Variants in ZNF484 observed in about 807,000 individuals in gnomAD.
The protein encoded by ZNF484 is KRAB box containing C2H2 type zinc finger bA526D8.4.
In ZNF484, 11 loss-of-function variants were observed where a neutral mutation model predicts 12.9. That is an observed-to-expected ratio of 0.85 (90% confidence interval 0.54 to 1.41). The LOEUF (loss-of-function observed/expected upper bound fraction) is 1.41. Among genes scored for constraint, ZNF484 ranks in the 40% most tolerant of loss-of-function variants. The probability of loss-of-function intolerance (pLI) is 0.00; values close to 1 mark genes in which losing one functional copy is unlikely to be tolerated. For synonymous variants in ZNF484, 289 were observed against 334.1 expected (o/e 0.86, Z 1.47); for missense variants, 807 against 1,007.7 (o/e 0.80, Z 2.70).
chr9:92,849,991 G>A (rs941827843), intron 4 of ZNF484, among the ~76,000 whole-genome samples: 3 of 152,086 alleles, frequency 2.0e-5, no homozygotes, highest in Non-Finnish European at 4.4e-5. Flanking sequence ...TAGTAGAGAC[G>A]GGGATTCACC....
In ZNF484 at chr9:92,846,410, T is replaced by C; in HGVS notation, c.2377A>G (p.Lys793Glu). 1 of 1,614,172 alleles carries C rather than the reference T, an allele frequency of 6.2e-7. No homozygotes were observed. The highest frequency in any genetic ancestry group is 1.1e-5 in the South Asian group (1 of 91,084). The change falls in exon 5 of 5, where the codon AAA becomes GAA. Residue 793 changes from lysine to glutamate, a missense_variant. Physicochemically the swap from Lys to Glu is moderately conservative, Grantham distance 56. Transcript: ENST00000375495. ...KAFTIRSNLI[K>E]HQKIHTKQKP... ...TGTTTAGTATGAATTTTCTGGTGTT[T>C]AATAAGATTTGATCTGATGGTGAAG...
intron 4 of ZNF484, 138 bp downstream of exon 4, chr9:92,855,673 T>C: frequency 1.5e-6 from 1 of 689,496 alleles, no homozygotes; most frequent in Middle Eastern, 2.5e-4. Context: ...AGGGTCCTTG[T>C]CTAATAACTG....
At chr9:92,854,574 G>A (rs1856320713) in intron 4 of ZNF484, among the ~76,000 whole-genome samples, 1 of 152,168 alleles carries the variant, frequency 6.6e-6, no homozygotes, top group South Asian at 2.1e-4. Flanking sequence ...AAAATTAGCT[G>A]GGTGCAGTGG....
In ZNF484 at chr9:92,853,999, C is replaced by T. The variant is rs114869642; in HGVS notation, c.235+1812G>A. Among the ~76,000 whole-genome samples the T allele has an allele frequency of 3.6e-3, 478 of 132,056 alleles. 1 individual carries two copies. The highest frequency in any genetic ancestry group is 0.013 in the African/African-American group (447 of 34,586). 86.6% of individuals were successfully genotyped at this position (132,056 alleles called of 152,430 possible). ...AAAGGACTGTCTTGGGAGTTTATGG[C>T]AGGGGCGGGTGGGGCTGGGCTAACT... On this transcript the variant is annotated intron_variant, in intron 4 of 4. Coordinates refer to ENST00000375495, the MANE Select transcript of ZNF484 (RefSeq NM_031486.4).
At chr9:92,877,615 T>C (rs1857905499) in intron 1 of ZNF484, among the ~76,000 whole-genome samples, 1 of 152,046 alleles carries the variant, frequency 6.6e-6, no homozygotes, top group South Asian at 2.1e-4. Context: ...TTAGTTCCCA[T>C]AGTCATCCTC....
At chr9:92,864,686 T>C (rs1349961949) in intron 2 of ZNF484, among the ~76,000 whole-genome samples, 1 of 152,150 alleles carries the variant, frequency 6.6e-6, no homozygotes, top group African/African-American at 2.4e-5. Flanking sequence ...CAGGAAAATA[T>C]AATTCATATT....
At chr9:92,858,753 TAAAC>T (rs1856609326) in intron 2 of ZNF484, among the ~76,000 whole-genome samples, 2 of 151,824 alleles carry the variant, frequency 1.3e-5, no homozygotes, top group Non-Finnish European at 2.9e-5. Context: ...TTATAACAAG[TAAAC>T]AAAGGAAAAA....
chr9:92,860,697 A>C (rs1458512254), intron 2 of ZNF484, among the ~76,000 whole-genome samples: 1 of 151,758 alleles, frequency 6.6e-6, no homozygotes, highest in East Asian at 1.9e-4. Flanking sequence ...TGCCTTCTTC[A>C]CAAACAATGT....
chr9:92,852,137 A>G (rs1219535799), intron 4 of ZNF484, among the ~76,000 whole-genome samples: 2 of 152,216 alleles, frequency 1.3e-5, no homozygotes, highest in Non-Finnish European at 2.9e-5. Context: ...GAAACTTTGC[A>G]TTTTAATGTA....
intron 2 of ZNF484, among the ~76,000 whole-genome samples, chr9:92,865,923 T>C (rs987103514): frequency 2.0e-5 from 3 of 152,114 alleles, no homozygotes; most frequent in Non-Finnish European, 4.4e-5. Context: ...TGGATAGAAA[T>C]AACTTCTGAA....
chr9:92,852,800 G>T (rs1354594491), intron 4 of ZNF484, among the ~76,000 whole-genome samples: 1 of 152,130 alleles, frequency 6.6e-6, no homozygotes, highest in African/African-American at 2.4e-5. Flanking sequence ...GCCTCCCAAA[G>T]TGGTGGGATT....
chr9:92,852,637 A>C (rs1400776591), intron 4 of ZNF484, among the ~76,000 whole-genome samples: 1 of 148,314 alleles, frequency 6.7e-6, no homozygotes, highest in Non-Finnish European at 1.5e-5. Context: ...CCTGGGATCA[A>C]GTGATTCTCC....
At chr9:92,869,126 T>A (rs886297403) in intron 2 of ZNF484, among the ~76,000 whole-genome samples, 3 of 152,106 alleles carry the variant, frequency 2.0e-5, no homozygotes, top group African/African-American at 7.2e-5. Context: ...AGAATGCTTA[T>A]AGTGCCTGGT....
intron 2 of ZNF484, among the ~76,000 whole-genome samples, chr9:92,870,648 C>T (rs1294777698): frequency 2.0e-5 from 3 of 152,244 alleles, no homozygotes. Context: ...ACACTCTTCC[C>T]ATCACGACAG....
In ZNF484 at chr9:92,845,051, T is replaced by C. The variant is rs1855504290; in HGVS notation, c.*1177A>G. 6.6e-6 allele frequency: 1 copy of C among 152,152 alleles called. No homozygotes were observed. Among genetic ancestry groups the C allele is most frequent in the Admixed American group, 6.5e-5 (1 of 15,278 alleles). 9.4% of individuals were successfully genotyped at this position (152,152 alleles called of 1,614,324 possible). ...AGTACTAATTTACATTAGCTTTTAA[T>C]CCATATGTATATTAGTATCTGACAT... On this transcript the variant is annotated 3_prime_UTR_variant, in exon 5 of 5. Transcript: ENST00000375495. This position sits in a 1 kb window ranked among gnomAD's most constrained non-coding sequence, Gnocchi z 4.0.
rs564836776 is a variant in ZNF484 at position 92,846,303 on chromosome 9, C to T, written c.2484G>A (p.Gly828=). 4 of 1,614,100 alleles carry T rather than the reference C, an allele frequency of 2.5e-6. No homozygotes were observed. In the South Asian group the frequency reaches 3.3e-5, roughly 13 times the overall value. ...QLSMPQKSDN[G]EVECSMPQLW... ...ATTGTGGCATGGAGCACTCTACTTC[C>T]CCATTGTCAGATTTCTGAGGCATAC... The change falls in exon 5 of 5, where the codon GGG becomes GGA. Residue 828 remains glycine (G), a synonymous_variant. Transcript: ENST00000375495.
rs549933479 is a variant in ZNF484 at position 92,856,887 on chromosome 9, A to C, written c.16-569T>G. Among the ~76,000 whole-genome samples the C allele has an allele frequency of 8.5e-5, 13 of 152,188 alleles. No homozygotes were observed. In the South Asian group the frequency reaches 2.7e-3, roughly 32 times the overall value. On this transcript the variant is annotated intron_variant, in intron 2 of 4. Coordinates refer to ENST00000375495, the MANE Select transcript of ZNF484 (RefSeq NM_031486.4). ...CAGGCGCCCGCCACCACGCCCAGCT[A>C]ATTTTTAAAAATTTTTTTAGTAGAG...
chr9:92,856,297 C>A lies in ZNF484; in HGVS notation c.37G>T (p.Val13Leu). 1 of 1,600,146 alleles carries A rather than the reference C, an allele frequency of 6.2e-7. No individual in the cohort carries two copies. The highest frequency in any genetic ancestry group is 1.1e-5 in the South Asian group (1 of 88,604). ...KSLESVSFKD[V>L]TVDFSRDEWQ... ...TCATCCCTACTGAAGTCTACAGTTA[C>A]GTCCTTGAATGACACTGATTCCTGT... Residue 13 changes from valine to leucine, a missense_variant, in exon 3 of 5, where the codon GTA becomes TTA. By Grantham distance (32) the Val-to-Leu change is conservative. Coordinates refer to ENST00000375495, the MANE Select transcript of ZNF484 (RefSeq NM_031486.4).
At chr9:92,858,757 C>G (rs1014110977) in intron 2 of ZNF484, among the ~76,000 whole-genome samples, 8 of 151,170 alleles carry the variant, frequency 5.3e-5, no homozygotes, top group African/African-American at 1.9e-4. Flanking sequence ...AACAAGTAAA[C>G]AAAGGAAAAA....
Sources: gnomAD v4.1 joint callset for allele counts (sites outside exome capture counted in the v4.1 genomes callset) on GRCh38, gnomAD v4.1.1 for gene constraint, Gnocchi (gnomAD v3.1) non-coding constraint, MANE v1.5 for transcripts, NCBI Gene and HGNC (gene_info 2026-07-23, HGNC 2026-07-21) for gene names.